Variants in ACAT2 observed in about 807,000 individuals in gnomAD.
ACAT2 encodes the protein acetyl-CoA acetyltransferase, cytosolic.
In ACAT2, 26 loss-of-function variants were observed where a neutral mutation model predicts 37.1. That is an observed-to-expected ratio of 0.70 (90% CI 0.51 to 0.97). The LOEUF is 0.97. ACAT2 is among the 50% of genes least tolerant of loss of function. The pLI is 0.00. For missense variants in ACAT2, 468 were observed against 489.0 expected (o/e 0.96, Z 0.40); for synonymous variants, 156 against 163.6 (o/e 0.95, Z 0.35).
rs367797947 is a variant in ACAT2, at chr6:159,779,112, G to A, written c.*283G>A. On this transcript the variant is annotated 3_prime_UTR_variant, in exon 9 of 9. Coordinates refer to ENST00000367048, the MANE Select transcript of ACAT2 (RefSeq NM_005891.3). Reference sequence around the variant, plus strand: ...TCCATGTTTATCATCTTTACTTTCTGGATGTAATTTAATAAGATCATCAAT... The same window carrying A: ...TCCATGTTTATCATCTTTACTTTCTAGATGTAATTTAATAAGATCATCAAT... 9.9e-6 allele frequency: 16 copies of A among 1,613,870 alleles called. No individual in the cohort carries two copies. Among genetic ancestry groups the A allele is most frequent in the Middle Eastern group, 1.6e-4 (1 of 6,082 alleles).
rs1304919659 is a variant in ACAT2, at chr6:159,762,096, A to G, written c.9A>G (p.Ala3=). The G allele has an allele frequency of 6.2e-7, 1 of 1,613,070 alleles. No individual in the cohort carries two copies. The highest frequency in any genetic ancestry group is 2.2e-5 in the East Asian group (1 of 44,828). ...GCGGCAGGAGAAGCAAGATGAATGC[A>G]GGCTCAGATCCTGTGGTCATCGTCT... The part of the protein sequence containing the change: MN[A]GSDPVVIVSA... Residue 3 remains alanine, a synonymous_variant, in exon 1 of 9, where the codon GCA becomes GCG. Coordinates refer to ENST00000367048, the MANE Select transcript of ACAT2 (RefSeq NM_005891.3).
At chr6:159,764,419 T>A (rs1283474985) in intron 2 of ACAT2, among the ~76,000 whole-genome samples, 1 of 151,892 alleles carries the variant, frequency 6.6e-6, no homozygotes, top group East Asian at 1.9e-4. Context: ...GTTTGAACAC[T>A]CGTAATTAAT....
chr6:159,767,263 A>G (rs935021724), intron 3 of ACAT2, 77 bp downstream of exon 3: 1 of 1,470,882 alleles, frequency 6.8e-7, no homozygotes, highest in Non-Finnish European at 9.4e-7. Flanking sequence ...CAGAGTAAAC[A>G]GATGCATAGC....
At chr6:159,776,316 A>G in intron 6 of ACAT2, 44 bp downstream of exon 6, 4 of 1,597,676 alleles carry the variant, frequency 2.5e-6, no homozygotes, top group Non-Finnish European at 2.6e-6. Flanking sequence ...TATGTTCTAT[A>G]ATGTCTACCG....
intron 4 of ACAT2, among the ~76,000 whole-genome samples, chr6:159,772,227 CTAAA>C (rs1220113314): frequency 2.0e-5 from 3 of 151,874 alleles, no homozygotes; most frequent in Non-Finnish European, 4.4e-5. Context: ...AACTCCATCT[CTAAA>C]TAAATAAATA....
chr6:159,763,044 T>C lies in ACAT2; in HGVS notation c.181T>C (p.Leu61=). 1.2e-6 allele frequency: 2 copies of C among 1,611,572 alleles called. No individual in the cohort carries two copies. The highest frequency in any genetic ancestry group is 1.7e-6 in the Non-Finnish European group (2 of 1,179,086). ...DVSEVIFGHV[L]AAGCGQNPVR... is the part of the protein sequence containing the mutation. Reference sequence around the variant, plus strand: ...GTCTGAGGTCATCTTTGGACATGTCTTGGCAGCAGGTAAGTCTCAGTGATT... The same window carrying C: ...GTCTGAGGTCATCTTTGGACATGTCCTGGCAGCAGGTAAGTCTCAGTGATT... Residue 61 remains leucine, a synonymous_variant, in exon 2 of 9, where the codon TTG becomes CTG. Coordinates refer to ENST00000367048, the MANE Select transcript of ACAT2 (RefSeq NM_005891.3).
rs1164054229 is a variant in ACAT2, at chr6:159,776,388, C to G, written c.757+116C>G. 10 of 1,279,156 alleles carry G rather than the reference C, an allele frequency of 7.8e-6. No individual in the cohort carries two copies. The Admixed American group carries it at 2.3e-4, about 29-fold the overall frequency. 79.2% of individuals were successfully genotyped at this position (1,279,156 alleles called of 1,614,324 possible). A position where few individuals can be genotyped will look rare whatever the true frequency, so the allele number is the denominator to read the frequency against. ...CTATTTTTTGGGACAGGGACTCACT[C>G]TGCCAGCCAGGTTCGTGTGCAGCAA... On this transcript the variant is annotated intron_variant, in intron 6 of 8. Coordinates refer to ENST00000367048, the MANE Select transcript of ACAT2 (RefSeq NM_005891.3).
At chr6:159,775,021 A>G in intron 4 of ACAT2, 149 bp from the exon 5 acceptor site, 2 of 771,826 alleles carry the variant, frequency 2.6e-6, no homozygotes, top group Non-Finnish European at 3.9e-6. Context: ...AGTGGCAGGC[A>G]GGGCCACCCC....
chr6:159,778,840 CTT>C lies in ACAT2; in HGVS notation c.*13_*14del. The C allele has an allele frequency of 6.2e-7, 1 of 1,613,970 alleles. No individual in the cohort carries two copies. The highest frequency in any genetic ancestry group is 1.1e-5 in the South Asian group (1 of 91,056). On this transcript the variant is annotated 3_prime_UTR_variant, in exon 9 of 9. Transcript: ENST00000367048. Reference sequence around the variant, plus strand: ...GTTCAGAGAGAATGAATTGCTTAAACTTTGAACAACCTCAATTTCTTTTTAAA... The same window carrying C: ...GTTCAGAGAGAATGAATTGCTTAAACTGAACAACCTCAATTTCTTTTTAAA...
At chr6:159,762,849 C>T in intron 1 of ACAT2, 70 bp from the exon 2 acceptor site, 1 of 1,597,388 alleles carries the variant, frequency 6.3e-7, no homozygotes. Context: ...ATGAGGCTCC[C>T]CTGCTCGTAG....
intron 8 of ACAT2, 143 bp downstream of exon 8, chr6:159,778,423 TTAA>T (rs1182340061): frequency 7.9e-3 from 659 of 83,622 alleles, no homozygotes; most frequent in Middle Eastern, 0.039. Flanking sequence ...TTCCCAAGGT[TTAA>T]AAAAAAAAAA....
intron 1 of ACAT2, 25 bp downstream of exon 1, chr6:159,762,167 A>C: frequency 1.9e-6 from 3 of 1,604,384 alleles, no homozygotes. Flanking sequence ...GGAGCCGCGC[A>C]GAGTCCGAGG....
chr6:159,765,391 C>T (rs1440808165), intron 2 of ACAT2, among the ~76,000 whole-genome samples: 1 of 151,332 alleles, frequency 6.6e-6, no homozygotes. Flanking sequence ...GCTGGGATTA[C>T]AGGCATGAGC....
chr6:159,763,995 G>C (rs1011246074), intron 2 of ACAT2, among the ~76,000 whole-genome samples: 1 of 150,796 alleles, frequency 6.6e-6, no homozygotes, highest in Non-Finnish European at 1.5e-5. Context: ...CAGCTACTTG[G>C]GAGGCTGAGA....
chr6:159,762,672 A>C, intron 1 of ACAT2: 1 of 1,479,144 alleles, frequency 6.8e-7, no homozygotes, highest in Non-Finnish European at 9.0e-7. Flanking sequence ...ATTTGGGGAA[A>C]TAGAAGGGCT....
chr6:159,776,355 CA>C, intron 6 of ACAT2, 83 bp downstream of exon 6: 1 of 1,479,420 alleles, frequency 6.8e-7, no homozygotes, highest in East Asian at 2.5e-5. Context: ...TATTTATATA[CA>C]AAAGTACTAT....
chr6:159,765,068 C>T (rs1025076724), intron 2 of ACAT2, among the ~76,000 whole-genome samples: 18 of 152,264 alleles, frequency 1.2e-4, no homozygotes, highest in African/African-American at 3.9e-4. Flanking sequence ...TCATGAAGCT[C>T]GTAGTATGCT....
chr6:159,778,249 T>C lies in ACAT2; in HGVS notation c.992T>C (p.Ile331Thr), dbSNP rs575272622. 7 of 1,610,912 alleles carry C rather than the reference T, an allele frequency of 4.3e-6. No individual in the cohort carries two copies. Among genetic ancestry groups the C allele is most frequent in the South Asian group, 3.3e-5 (3 of 90,816 alleles). Residue 331 changes from isoleucine (I) to threonine (T), a missense_variant, in exon 8 of 9, where the codon ATA becomes ACA. By Grantham distance (89) the Ile-to-Thr change is moderately conservative. Coordinates refer to ENST00000367048, the MANE Select transcript of ACAT2 (RefSeq NM_005891.3). Reference protein sequence around the residue: ...NEAFAAVSAAIVKELGLNPEK... With the variant: ...NEAFAAVSAATVKELGLNPEK... ...GCCTTTGCAGCTGTCTCTGCTGCAA[T>C]AGTTAAAGAACTTGGATTAAACCCA...
intron 5 of ACAT2, chr6:159,775,655 A>G (rs1780401183): frequency 8.7e-6 from 2 of 229,626 alleles, no homozygotes; most frequent in Non-Finnish European, 1.7e-5. Flanking sequence ...AGAAGTGGAC[A>G]CCCATTACTT....
Sources: allele counts gnomAD v4.1 joint callset (sites outside exome capture counted in the v4.1 genomes callset), GRCh38; gene constraint gnomAD v4.1.1; transcripts MANE v1.5; gene names NCBI Gene and HGNC (gene_info 2026-07-23, HGNC 2026-07-21).